The following ACOX3 variants were observed in gnomAD, a reference collection of about 807,000 sequenced individuals.
ACOX3 encodes the protein peroxisomal acyl-coenzyme A oxidase 3.
In ACOX3, 73 loss-of-function variants were observed where a neutral mutation model predicts 81.5. The ratio of observed to expected loss-of-function variants is 0.90; its 90% confidence interval spans 0.74 to 1.09. The LOEUF (loss-of-function observed/expected upper bound fraction) is 1.09. ACOX3 is among the 50% of genes least tolerant of loss of function. ACOX3 has a pLI of 0.00. For missense variants in ACOX3, 947 were observed against 928.0 expected, an observed-to-expected ratio of 1.02 and a Z score of -0.27; for synonymous variants, 387 against 375.1, an observed-to-expected ratio of 1.03 and a Z score of -0.37.
At position 8,389,389 on chromosome 4, in the gene ACOX3, C is replaced by A; in HGVS notation, c.1424-103G>T. ...AAGCACAGAGAGTGTCCAGAGGACC[C>A]GACGGCCACAGACCCACAGGCGAGG... On this transcript the variant is annotated intron_variant, in intron 12 of 17. Transcript: ENST00000356406. The surrounding 1 kb of genome is among the most constrained non-coding windows in gnomAD (Gnocchi z 5.3). The A allele has an allele frequency of 7.6e-7, 1 of 1,324,082 alleles. No individual in the cohort carries two copies. Among genetic ancestry groups the A allele is most frequent in the East Asian group, 2.5e-5 (1 of 40,036 alleles). 82.0% of individuals were successfully genotyped at this position (1,324,082 alleles called of 1,614,324 possible).
chr4:8,394,860 C>A lies in ACOX3; in HGVS notation c.1057-118G>T. ...CGTCAGGGCCACACACCCACTAGCG[C>A]TGAAGGTCTTCACATGTCTTCCCGG... On this transcript the variant is annotated intron_variant, in intron 9 of 17. Coordinates refer to ENST00000356406, the MANE Select transcript of ACOX3 (RefSeq NM_003501.3). This position sits in a 1 kb window ranked among gnomAD's most constrained non-coding sequence, Gnocchi z 5.9. 1 of 1,341,746 alleles carries A rather than the reference C, an allele frequency of 7.5e-7. No individual in the cohort carries two copies. Among genetic ancestry groups the A allele is most frequent in the Non-Finnish European group, 1.0e-6 (1 of 1,002,990 alleles). The allele number at this position is 1,341,746 out of a possible 1,614,324, so 83.1% of individuals were successfully genotyped here.
intron 5 of ACOX3, among the ~76,000 whole-genome samples, chr4:8,412,053 G>A (rs1270048315): frequency 3.9e-5 from 6 of 152,260 alleles, no homozygotes; most frequent in African/African-American, 1.4e-4. Context: ...CTACCTGGGT[G>A]CTGTTGTCCA....
Position 8,437,640 on chromosome 4 carries a change from G to A in ACOX3, c.-15+3008C>T, listed in dbSNP as rs1014044062. ...AGGACGTGGACACGGATGTAGACGT[G>A]GAAGAAGTCAAGTTAGGCAAGGATT... On this transcript the variant is annotated intron_variant, in intron 1 of 17. Transcript: ENST00000356406. The surrounding 1 kb of genome is among the most constrained non-coding windows in gnomAD (Gnocchi z 5.2). Among the ~76,000 whole-genome samples, 3 of 152,220 alleles carry A rather than the reference G, an allele frequency of 2.0e-5. No individual in the cohort carries two copies. Among genetic ancestry groups the A allele is most frequent in the African/African-American group, 7.2e-5 (3 of 41,468 alleles).
chr4:8,366,856 G>C lies in ACOX3; in HGVS notation c.*105C>G. 6.6e-7 allele frequency: 1 copy of C among 1,507,508 alleles called. No individual in the cohort carries two copies. Among genetic ancestry groups the C allele is most frequent in the Non-Finnish European group, 9.0e-7 (1 of 1,106,608 alleles). 93.4% of individuals were successfully genotyped at this position (1,507,508 alleles called of 1,614,324 possible). ...GTTTAGGCGCACAGGTGCGGGCTCA[G>C]AAAGCAGCAGCAATCTCCGGCGTGT... On this transcript the variant is annotated 3_prime_UTR_variant, in exon 18 of 18. Transcript: ENST00000356406.
intron 7 of ACOX3, among the ~76,000 whole-genome samples, chr4:8,402,772 G>T (rs1371649491): frequency 1.3e-5 from 2 of 152,324 alleles, no homozygotes; most frequent in Admixed American, 1.3e-4. Flanking sequence ...TGTGTCACTG[G>T]ACATGCACGT....
chr4:8,382,057 C>T lies in ACOX3; in HGVS notation c.1538-450G>A, dbSNP rs1379910059. Among the ~76,000 whole-genome samples, 3 of 152,226 alleles carry T rather than the reference C, an allele frequency of 2.0e-5. No individual in the cohort carries two copies. Among genetic ancestry groups the T allele is most frequent in the Admixed American group, 6.5e-5 (1 of 15,290 alleles). ...CAGTGGCGAGAGGAAGGGGTGCTTCCGTTCGCCTCCCCCTGCCTGGCCCTT... is the reference window on the plus strand; with the variant it reads ...CAGTGGCGAGAGGAAGGGGTGCTTCTGTTCGCCTCCCCCTGCCTGGCCCTT... On this transcript the variant is annotated intron_variant, in intron 13 of 17. Transcript: ENST00000356406. The surrounding 1 kb of genome is among the most constrained non-coding windows in gnomAD (Gnocchi z 4.1).
chr4:8,365,033 G>A (rs563431427), downstream of ACOX3, among the ~76,000 whole-genome samples: 1 of 152,110 alleles, frequency 6.6e-6, no homozygotes, highest in African/African-American at 2.4e-5. Context: ...TAAAGGAGCC[G>A]TCCACACACA....
rs1560209659 is a variant in ACOX3, at chr4:8,431,520, C to G, written c.-15+9128G>C. Among the ~76,000 whole-genome samples the G allele has an allele frequency of 6.6e-6, 1 of 152,224 alleles. No homozygotes were observed. Among genetic ancestry groups the G allele is most frequent in the East Asian group, 1.9e-4 (1 of 5,198 alleles). On this transcript the variant is annotated intron_variant, in intron 1 of 17. Coordinates refer to ENST00000356406, the MANE Select transcript of ACOX3 (RefSeq NM_003501.3). This position sits in a 1 kb window ranked among gnomAD's most constrained non-coding sequence, Gnocchi z 5.3. The stretch of plus-strand genomic sequence containing the variant: ...AGAGAGGAAGGGGTCGTGCTACACT[C>G]TGTTGTATTTGGGACCTGGGTGGAT...
chr4:8,430,127 C>A lies in ACOX3; in HGVS notation c.-15+10521G>T, dbSNP rs991744264. Among the ~76,000 whole-genome samples the A allele has an allele frequency of 3.9e-5, 6 of 152,200 alleles. No homozygotes were observed. Among genetic ancestry groups the A allele is most frequent in the Admixed American group, 6.5e-5 (1 of 15,278 alleles). Reference sequence around the variant, plus strand: ...TCTACTTCTGTTCTACTCTGAAATACCTTCTCCTTGATTCCATGGCAACAT... The same window carrying A: ...TCTACTTCTGTTCTACTCTGAAATAACTTCTCCTTGATTCCATGGCAACAT... On this transcript the variant is annotated intron_variant, in intron 1 of 17. Coordinates refer to ENST00000356406, the MANE Select transcript of ACOX3 (RefSeq NM_003501.3). This position sits in a 1 kb window ranked among gnomAD's most constrained non-coding sequence, Gnocchi z 5.2.
At chr4:8,391,412 A>T (rs1718986419) in intron 11 of ACOX3, among the ~76,000 whole-genome samples, 1 of 152,250 alleles carries the variant, frequency 6.6e-6, no homozygotes, top group East Asian at 1.9e-4. Context: ...AAACTTGGCA[A>T]GGACCAAGTG....
At chr4:8,361,556 G>A (rs371956221), downstream of ACOX3, among the ~76,000 whole-genome samples, 1 of 151,760 alleles carries the variant, frequency 6.6e-6, no homozygotes, top group Non-Finnish European at 1.5e-5. Flanking sequence ...TGAACAAATG[G>A]GCTAAAGTTA....
At chr4:8,410,188 C>A (rs776997465) in intron 6 of ACOX3, 24 bp downstream of exon 6, 2 of 1,607,516 alleles carry the variant, frequency 1.2e-6, no homozygotes, top group Non-Finnish European at 1.7e-6. Flanking sequence ...ACTGCCCCCA[C>A]TGAGGGCCAC....
At chr4:8,380,775 C>G (rs1717541622) in intron 14 of ACOX3, among the ~76,000 whole-genome samples, 1 of 152,210 alleles carries the variant, frequency 6.6e-6, no homozygotes, top group Non-Finnish European at 1.5e-5. Flanking sequence ...GCACAACACT[C>G]ATGGCCTGAG....
At chr4:8,373,477 T>C in intron 16 of ACOX3, 84 bp downstream of exon 16, 2 of 1,426,906 alleles carry the variant, frequency 1.4e-6, no homozygotes, top group Middle Eastern at 2.0e-4. Context: ...TGCGTGTCGG[T>C]CTGGGTGATG....
intron 8 of ACOX3, 143 bp from the exon 9 acceptor site, chr4:8,397,262 A>G (rs1719819518): frequency 1.3e-6 from 1 of 753,102 alleles, no homozygotes; most frequent in South Asian, 2.4e-5. Context: ...CAGGGCGCCC[A>G]AGACACAGGA....
At position 8,381,488 on chromosome 4, in the gene ACOX3, T is replaced by A; in HGVS notation, c.1653+4A>T. On this transcript the variant is annotated splice_donor_region_variant and intron_variant, in intron 14 of 17. Transcript: ENST00000356406. This position sits in a 1 kb window ranked among gnomAD's most constrained non-coding sequence, Gnocchi z 4.3. Reference sequence around the variant, plus strand: ...AAAAGGGAATTTTGAAAACAAATACTTACCTGGCATTTGTTCCTTGCTTCA... The same window carrying A: ...AAAAGGGAATTTTGAAAACAAATACATACCTGGCATTTGTTCCTTGCTTCA... 4 of 1,607,796 alleles carry A rather than the reference T, an allele frequency of 2.5e-6. No individual in the cohort carries two copies. The highest frequency in any genetic ancestry group is 3.4e-6 in the Non-Finnish European group (4 of 1,175,032).
rs1323885768 is a variant in ACOX3 at position 8,407,613 on chromosome 4, G to A, written c.688-1570C>T. ...CTAACACGGGGGCCGGTGCTGCCGG[G>A]AGGACGTCGGGAATTTCATATTCAC... On this transcript the variant is annotated intron_variant, in intron 6 of 17. Transcript: ENST00000356406. The surrounding 1 kb of genome is among the most constrained non-coding windows in gnomAD (Gnocchi z 4.6). 6.6e-6 allele frequency among the ~76,000 whole-genome samples: 1 copy of A among 152,232 alleles called. No homozygotes were observed. The highest frequency in any genetic ancestry group is 1.5e-5 in the Non-Finnish European group (1 of 68,044).
At chr4:8,372,368 G>A (rs1716319275) in intron 16 of ACOX3, among the ~76,000 whole-genome samples, 1 of 152,184 alleles carries the variant, frequency 6.6e-6, no homozygotes, top group South Asian at 2.1e-4. Flanking sequence ...CCAAAGTGCT[G>A]GGATTACAGG....
At chr4:8,439,131 G>A (rs1724432703) in intron 1 of ACOX3, 1 of 152,116 alleles carries the variant, frequency 6.6e-6, no homozygotes, top group Non-Finnish European at 1.5e-5. Flanking sequence ...CTTTTTCCCA[G>A]GTAAGGACCT....
Sources: allele counts gnomAD v4.1 joint callset (sites outside exome capture counted in the v4.1 genomes callset), GRCh38; gene constraint gnomAD v4.1.1; non-coding constraint Gnocchi (gnomAD v3.1); transcripts MANE v1.5; gene names NCBI Gene and HGNC (gene_info 2026-07-23, HGNC 2026-07-21).